The following BRINP3 variants were observed in gnomAD, a reference collection of about 807,000 sequenced individuals.
BRINP3 encodes the protein BMP/retinoic acid-inducible neural-specific protein 3.
In BRINP3, 19 loss-of-function variants were observed where a neutral mutation model predicts 71.0. The observed-to-expected ratio is 0.27, with a 90% CI of 0.19 to 0.39. BRINP3 has a LOEUF of 0.39. Ranked by LOEUF, BRINP3 falls within the 10% of genes least tolerant of loss-of-function variation. BRINP3 has a pLI of 1.00. For missense variants in BRINP3, 959 were observed against 940.8 expected (o/e 1.02, Z -0.25); for synonymous variants, 380 against 337.7 (o/e 1.13, Z -1.37).
chr1:190,216,794 A>T (rs1362694414), intron 6 of BRINP3, among the ~76,000 whole-genome samples: 1 of 151,918 alleles, frequency 6.6e-6, no homozygotes, highest in Non-Finnish European at 1.5e-5. Flanking sequence ...GGTACCAGTT[A>T]TTAGCATTCT....
At chr1:190,152,255 A>AT (rs1656459889) in intron 7 of BRINP3, among the ~76,000 whole-genome samples, 2 of 152,026 alleles carry the variant, frequency 1.3e-5, no homozygotes, top group East Asian at 1.9e-4. Flanking sequence ...TTTTAAATAT[A>AT]TTTTTTGTTA....
At chr1:190,273,401 T>C (rs1231981027) in intron 3 of BRINP3, among the ~76,000 whole-genome samples, 6 of 151,616 alleles carry the variant, frequency 4.0e-5, no homozygotes, top group Non-Finnish European at 8.9e-5. Context: ...ATTCTGAGTC[T>C]GTTAGGCAGC....
chr1:190,423,500 A>T (rs1255717780), intron 2 of BRINP3, among the ~76,000 whole-genome samples: 1 of 151,796 alleles, frequency 6.6e-6, no homozygotes, highest in East Asian at 1.9e-4. Context: ...CTTCCATAAT[A>T]CTATGGCACT....
intron 3 of BRINP3, among the ~76,000 whole-genome samples, chr1:190,267,393 A>G (rs1375269924): frequency 1.3e-5 from 2 of 152,214 alleles, no homozygotes; most frequent in South Asian, 2.1e-4. Context: ...TAATATTTGA[A>G]TGATAGGCTA....
intron 4 of BRINP3, among the ~76,000 whole-genome samples, chr1:190,243,621 G>A (rs2102780526): frequency 6.6e-6 from 1 of 152,122 alleles, no homozygotes; most frequent in South Asian, 2.1e-4. Flanking sequence ...AAGCTTTATT[G>A]CCACAGGGAG....
At chr1:190,145,433 G>A (rs989262725) in intron 7 of BRINP3, among the ~76,000 whole-genome samples, 1 of 152,078 alleles carries the variant, frequency 6.6e-6, no homozygotes, top group East Asian at 1.9e-4. Flanking sequence ...ACTATGCAGT[G>A]TTCTCTTTTG....
At chr1:190,458,363 G>A (rs1346473078) in intron 1 of BRINP3, among the ~76,000 whole-genome samples, 1 of 152,022 alleles carries the variant, frequency 6.6e-6, no homozygotes, top group African/African-American at 2.4e-5. Context: ...TAGTGTTTAA[G>A]AACTTTTTTC....
intron 1 of BRINP3, among the ~76,000 whole-genome samples, chr1:190,474,019 T>C (rs948456352): frequency 1.3e-5 from 2 of 151,922 alleles, no homozygotes; most frequent in Admixed American, 6.6e-5. Context: ...GTTCTTCACC[T>C]GTCCTTTATA....
At chr1:190,311,692 C>T (rs954446619) in intron 2 of BRINP3, among the ~76,000 whole-genome samples, 1 of 151,180 alleles carries the variant, frequency 6.6e-6, no homozygotes, top group Non-Finnish European at 1.5e-5. Flanking sequence ...TTATAAAAAA[C>T]TTTTCCTATA....
chr1:190,391,990 C>G (rs1243790911), intron 2 of BRINP3, among the ~76,000 whole-genome samples: 2 of 151,254 alleles, frequency 1.3e-5, no homozygotes, highest in Non-Finnish European at 3.0e-5. Flanking sequence ...GATGCTTTAC[C>G]ATCATCATAC....
rs192041027 is a variant in BRINP3 at position 190,251,582 on chromosome 1, G to T, written c.618+13283C>A. On this transcript the variant is annotated intron_variant, in intron 4 of 7. Transcript: ENST00000367462. ...AAGGGGTATGTACAAATTGTGTAGA[G>T]AAATGAGAAATAAGGAGATACTTCT... is the stretch of plus-strand genomic sequence containing the variant. Among the ~76,000 whole-genome samples the T allele has an allele frequency of 3.4e-3, 516 of 151,944 alleles. 1 individual carries two copies. The highest frequency in any genetic ancestry group is 4.3e-3 in the Non-Finnish European group (290 of 67,918).
intron 1 of BRINP3, among the ~76,000 whole-genome samples, chr1:190,474,118 T>A (rs1384908938): frequency 6.6e-6 from 1 of 152,206 alleles, no homozygotes; most frequent in East Asian, 1.9e-4. Flanking sequence ...ATTATACATT[T>A]CTTCTTCTAA....
chr1:190,178,922 T>C (rs995223527), intron 6 of BRINP3, among the ~76,000 whole-genome samples: 2 of 152,124 alleles, frequency 1.3e-5, no homozygotes, highest in South Asian at 2.1e-4. Context: ...TTTCCATGAA[T>C]GAAATTTGAT....
chr1:190,267,678 T>C (rs1457519217), intron 3 of BRINP3, among the ~76,000 whole-genome samples: 1 of 152,050 alleles, frequency 6.6e-6, no homozygotes, highest in African/African-American at 2.4e-5. Flanking sequence ...CCTACTTTTT[T>C]TCTTCATGGA....
In BRINP3 at chr1:190,402,020, ATTTG is replaced by A. The variant is rs200622572; in HGVS notation, c.236+52631_236+52634del. 3.3e-3 allele frequency among the ~76,000 whole-genome samples: 501 copies of A among 152,042 alleles called. 2 individuals are homozygous for A. The highest frequency in any genetic ancestry group is 6.0e-3 in the East Asian group (31 of 5,168). ...ATATATATTTCATTACACTAGGAAA[ATTTG>A]TTTATTAGTGTAATATGCATAATCT... On this transcript the variant is annotated intron_variant, in intron 2 of 7. Transcript: ENST00000367462.
chr1:190,146,002 A>G (rs569733814), intron 7 of BRINP3, among the ~76,000 whole-genome samples: 13 of 152,292 alleles, frequency 8.5e-5, no homozygotes, highest in African/African-American at 2.6e-4. Flanking sequence ...GAGTTAAGCT[A>G]TAAGGACTTA....
chr1:190,114,525 A>C (rs984014223), intron 7 of BRINP3, among the ~76,000 whole-genome samples: 1 of 127,388 alleles, frequency 7.9e-6, no homozygotes, highest in Admixed American at 7.7e-5. Context: ...TAAGTTTGCC[A>C]CTGTGTGTGT....
chr1:190,136,303 G>T (rs1413584438), intron 7 of BRINP3, among the ~76,000 whole-genome samples: 2 of 152,026 alleles, frequency 1.3e-5, no homozygotes, highest in African/African-American at 4.8e-5. Flanking sequence ...TGCACTTAAA[G>T]ATCTAACAAC....
intron 1 of BRINP3, among the ~76,000 whole-genome samples, chr1:190,456,188 G>T (rs912498234): frequency 2.6e-5 from 4 of 152,124 alleles, no homozygotes; most frequent in Admixed American, 6.5e-5. Flanking sequence ...CCCATTATTT[G>T]TATTTAATCC....
Sources: gnomAD v4.1 joint callset for allele counts (sites outside exome capture counted in the v4.1 genomes callset) on GRCh38, gnomAD v4.1.1 for gene constraint, MANE v1.5 for transcripts, NCBI Gene and HGNC (gene_info 2026-07-23, HGNC 2026-07-21) for gene names.